BBS9: variants seen among roughly 807,000 people sequenced by gnomAD.
BBS9 encodes protein PTHB1.
In BBS9, 89 loss-of-function variants were observed where a neutral mutation model predicts 117.7. The observed-to-expected ratio is 0.76, with a 90% CI of 0.64 to 0.90. BBS9 has a LOEUF of 0.90. Among genes scored for constraint, BBS9 ranks in the 40% least tolerant of loss-of-function variants. BBS9 has a pLI of 0.00. For synonymous variants in BBS9, 379 were observed against 370.9 expected, an observed-to-expected ratio of 1.02 and a Z score of -0.25; for missense variants, 982 against 1,042.2, an observed-to-expected ratio of 0.94 and a Z score of 0.80.
At chr7:33,509,488 T>C (rs1227457783) in intron 20 of BBS9, among the ~76,000 whole-genome samples, 1 of 152,174 alleles carries the variant, frequency 6.6e-6, no homozygotes, top group Non-Finnish European at 1.5e-5. Context: ...ATTGAAGTTA[T>C]TATGATACCA....
chr7:33,464,301 G>C (rs1839874223), intron 19 of BBS9, among the ~76,000 whole-genome samples: 1 of 151,956 alleles, frequency 6.6e-6, no homozygotes, highest in Non-Finnish European at 1.5e-5. Context: ...AAAAACTAAG[G>C]GTTGTAGATC....
At chr7:33,337,231 T>G (rs890361240) in intron 10 of BBS9, among the ~76,000 whole-genome samples, 1 of 152,152 alleles carries the variant, frequency 6.6e-6, no homozygotes, top group African/African-American at 2.4e-5. Context: ...AATTTTTTTT[T>G]GTAAATTAAA....
At chr7:33,174,546 A>C (rs1023426746) in intron 4 of BBS9, among the ~76,000 whole-genome samples, 4 of 152,214 alleles carry the variant, frequency 2.6e-5, no homozygotes, top group Non-Finnish European at 2.9e-5. Context: ...GATTGTTTAC[A>C]ACTCAGCATT....
intron 20 of BBS9, among the ~76,000 whole-genome samples, chr7:33,521,051 A>ACTAAACTT (rs1309387202): frequency 6.6e-6 from 1 of 152,152 alleles, no homozygotes; most frequent in Non-Finnish European, 1.5e-5. Flanking sequence ...TTTTGCCTGA[A>ACTAAACTT]CTAAACTTTA....
At chr7:33,581,095 TGAGAGAGAGA>T (rs10609889) in intron 21 of BBS9, among the ~76,000 whole-genome samples, 1 of 149,042 alleles carries the variant, frequency 6.7e-6, no homozygotes, top group South Asian at 2.1e-4. Flanking sequence ...TGTGTGTGTG[TGAGAGAGAGA>T]GAGAGAGAGA....
intron 5 of BBS9, among the ~76,000 whole-genome samples, chr7:33,191,085 G>A (rs1784043437): frequency 6.6e-6 from 1 of 152,174 alleles, no homozygotes; most frequent in African/African-American, 2.4e-5. Flanking sequence ...CAGAGGTCAG[G>A]GGAGCTTTCT....
At chr7:33,209,278 T>C (rs1787561772) in intron 5 of BBS9, among the ~76,000 whole-genome samples, 1 of 152,234 alleles carries the variant, frequency 6.6e-6, no homozygotes, top group Admixed American at 6.5e-5. Flanking sequence ...CAGGATCTCA[T>C]TCTTTTTATG....
chr7:33,233,704 A>G (rs999716323), intron 5 of BBS9, among the ~76,000 whole-genome samples: 18 of 152,154 alleles, frequency 1.2e-4, no homozygotes, highest in African/African-American at 3.9e-4. Context: ...TGCTGATGCT[A>G]TATCTTTTTG....
At chr7:33,458,102 C>A (rs993399552) in intron 19 of BBS9, among the ~76,000 whole-genome samples, 4 of 152,126 alleles carry the variant, frequency 2.6e-5, no homozygotes, top group Non-Finnish European at 5.9e-5. Context: ...AGACAGTTGT[C>A]TGGCCTGGAT....
chr7:33,253,303 A>C (rs1796514228), intron 5 of BBS9, among the ~76,000 whole-genome samples: 1 of 152,170 alleles, frequency 6.6e-6, no homozygotes, highest in Admixed American at 6.5e-5. Context: ...GACTAGACTT[A>C]ATGATGGCTT....
At chr7:33,479,306 G>C (rs1009163454) in intron 19 of BBS9, among the ~76,000 whole-genome samples, 8 of 152,076 alleles carry the variant, frequency 5.3e-5, no homozygotes, top group African/African-American at 1.9e-4. Context: ...CCATGTGTCA[G>C]TGTTTAGCTC....
chr7:33,158,639 A>G (rs1794413408), intron 4 of BBS9, among the ~76,000 whole-genome samples: 1 of 152,174 alleles, frequency 6.6e-6, no homozygotes, highest in African/African-American at 2.4e-5. Context: ...GTTTCATGCC[A>G]AGTTTAAATA....
intron 15 of BBS9, among the ~76,000 whole-genome samples, chr7:33,353,803 A>G (rs746388450): frequency 1.3e-5 from 2 of 152,084 alleles, no homozygotes; most frequent in African/African-American, 2.4e-5. Context: ...TGGAAGTTAT[A>G]TATATATTTA....
chr7:33,623,929 G>A (rs909875501), intron 21 of BBS9, among the ~76,000 whole-genome samples: 1 of 151,826 alleles, frequency 6.6e-6, no homozygotes, highest in Non-Finnish European at 1.5e-5. Flanking sequence ...GGGGCCAGAA[G>A]GCCTGTTTTA....
intron 5 of BBS9, among the ~76,000 whole-genome samples, chr7:33,224,969 C>G (rs987193625): frequency 5.3e-5 from 8 of 152,128 alleles, no homozygotes; most frequent in Admixed American, 4.6e-4. Flanking sequence ...AACGGAAATA[C>G]ATTTAAAGGA....
chr7:33,389,864 G>A (rs1826753899), intron 19 of BBS9, among the ~76,000 whole-genome samples: 3 of 151,966 alleles, frequency 2.0e-5, no homozygotes, highest in African/African-American at 7.3e-5. Context: ...TACCCTCCCA[G>A]AACTTCTGTT....
chr7:33,309,044 C>T (rs1471593979), intron 9 of BBS9, among the ~76,000 whole-genome samples: 1 of 152,136 alleles, frequency 6.6e-6, no homozygotes, highest in Non-Finnish European at 1.5e-5. Flanking sequence ...GCCAATCTGT[C>T]ACTTCTCTGA....
At chr7:33,266,038 G>T (rs1011215501) in intron 7 of BBS9, among the ~76,000 whole-genome samples, 2 of 152,020 alleles carry the variant, frequency 1.3e-5, no homozygotes, top group Non-Finnish European at 2.9e-5. Context: ...GCCATATAGG[G>T]CCTCTCATTG....
chr7:33,316,004 A>G (rs552971963), intron 9 of BBS9, among the ~76,000 whole-genome samples: 3 of 152,248 alleles, frequency 2.0e-5, no homozygotes, highest in East Asian at 3.9e-4. Context: ...ACAAACCTTA[A>G]CTATGCACTT....
Sources: allele counts gnomAD v4.1 joint callset (sites outside exome capture counted in the v4.1 genomes callset), GRCh38; gene constraint gnomAD v4.1.1; transcripts MANE v1.5; gene names NCBI Gene and HGNC (gene_info 2026-07-23, HGNC 2026-07-21).